WDR70: variants seen among roughly 807,000 people sequenced by gnomAD.
WDR70 encodes WD repeat domain 70.
WDR70 carries 53 observed loss-of-function variants against 88.6 expected under a neutral mutation model. The ratio of observed to expected loss-of-function variants is 0.60; its 90% CI spans 0.48 to 0.75. WDR70 has a LOEUF of 0.75. Ranked by LOEUF, WDR70 falls within the 30% of genes least tolerant of loss-of-function variation. The pLI is 0.00. For synonymous variants in WDR70, 280 were observed against 270.0 expected, an observed-to-expected ratio of 1.04 and a Z score of -0.36; for missense variants, 610 against 823.2, an observed-to-expected ratio of 0.74 and a Z score of 3.17.
intron 8 of WDR70, among the ~76,000 whole-genome samples, chr5:37,483,941 C>T (rs112794390): frequency 0.16 from 23,925 of 151,046 alleles, 1,837 homozygotes; most frequent in South Asian, 0.26. Context: ...CAGAGGCGCT[C>T]CTCACATCCC....
intron 5 of WDR70, among the ~76,000 whole-genome samples, chr5:37,404,166 C>T (rs1749283950): frequency 6.6e-6 from 1 of 152,172 alleles, no homozygotes; most frequent in African/African-American, 2.4e-5. Flanking sequence ...TTAACTCCTG[C>T]AATTTGTATT....
intron 9 of WDR70, among the ~76,000 whole-genome samples, chr5:37,560,809 A>AT (rs397885116): frequency 0.26 from 33,707 of 130,942 alleles, 5,584 homozygotes; most frequent in African/African-American, 0.46. Flanking sequence ...GCAGAAGCAG[A>AT]TTTTTTTTTT....
chr5:37,678,680 C>G (rs1746314480), intron 10 of WDR70, among the ~76,000 whole-genome samples: 1 of 152,184 alleles, frequency 6.6e-6, no homozygotes, highest in Non-Finnish European at 1.5e-5. Flanking sequence ...TCCTTCATTT[C>G]AACATTGGTG....
At chr5:37,598,609 A>G (rs1001313003) in intron 9 of WDR70, among the ~76,000 whole-genome samples, 2 of 152,238 alleles carry the variant, frequency 1.3e-5, no homozygotes, top group Non-Finnish European at 2.9e-5. Context: ...CAGTTCACCT[A>G]GAAGTACAAA....
intron 10 of WDR70, among the ~76,000 whole-genome samples, chr5:37,678,680 C>A (rs1746314480): frequency 6.6e-6 from 1 of 152,184 alleles, no homozygotes; most frequent in Non-Finnish European, 1.5e-5. Flanking sequence ...TCCTTCATTT[C>A]AACATTGGTG....
chr5:37,453,381 T>C (rs1738734284), intron 7 of WDR70, among the ~76,000 whole-genome samples: 1 of 152,230 alleles, frequency 6.6e-6, no homozygotes, highest in Non-Finnish European at 1.5e-5. Context: ...GTATCCCTTA[T>C]GGGAAACGAA....
At chr5:37,490,136 T>G (rs572059061) in intron 8 of WDR70, among the ~76,000 whole-genome samples, 2 of 152,214 alleles carry the variant, frequency 1.3e-5, no homozygotes, top group South Asian at 4.1e-4. Context: ...TGCAGGGGAA[T>G]CCATAGGCCC....
chr5:37,454,123 A>C (rs926016649), intron 7 of WDR70, among the ~76,000 whole-genome samples: 1 of 152,198 alleles, frequency 6.6e-6, no homozygotes, highest in South Asian at 2.1e-4. Flanking sequence ...ATAGAGCAGA[A>C]GACTGTTTTC....
At chr5:37,535,681 A>G (rs1220851738) in intron 9 of WDR70, among the ~76,000 whole-genome samples, 1 of 152,224 alleles carries the variant, frequency 6.6e-6, no homozygotes. Flanking sequence ...CTAGCTCATA[A>G]TAGTTAACAT....
intron 5 of WDR70, among the ~76,000 whole-genome samples, chr5:37,427,444 A>G (rs1249116561): frequency 6.6e-6 from 1 of 152,158 alleles, no homozygotes; most frequent in African/African-American, 2.4e-5. Context: ...TCTTATACAC[A>G]TGCACACATA....
At chr5:37,584,704 G>T (rs1311058856) in intron 9 of WDR70, among the ~76,000 whole-genome samples, 1 of 151,986 alleles carries the variant, frequency 6.6e-6, no homozygotes, top group Non-Finnish European at 1.5e-5. Context: ...TTAGCAGTTT[G>T]TTGAGAAACC....
chr5:37,617,337 G>A (rs1744373708), intron 10 of WDR70, among the ~76,000 whole-genome samples: 1 of 152,180 alleles, frequency 6.6e-6, no homozygotes, highest in Non-Finnish European at 1.5e-5. Context: ...AAACAAGATT[G>A]TGGTGATGGT....
At chr5:37,381,571 A>G in intron 2 of WDR70, 31 bp from the exon 3 acceptor site, 6 of 1,598,952 alleles carry the variant, frequency 3.8e-6, no homozygotes, top group Non-Finnish European at 5.1e-6. Flanking sequence ...ACTGCAAGAC[A>G]ATCACAGTCT....
In WDR70 at chr5:37,634,641, A is replaced by G. The variant is rs188480317; in HGVS notation, c.1092+29403A>G. 7.9e-5 allele frequency among the ~76,000 whole-genome samples: 12 copies of G among 152,328 alleles called. 1 individual carries two copies. Among genetic ancestry groups the G allele is most frequent in the Admixed American group, 4.6e-4 (7 of 15,302 alleles). On this transcript the variant is annotated intron_variant, in intron 10 of 17. Coordinates refer to ENST00000265107, the MANE Select transcript of WDR70 (RefSeq NM_018034.4). ...GAGATACTGAGTGAGTCCAGTCTTAAGTGAGATGATGAGAACCTCAACCAA... is the reference window on the plus strand; with the variant it reads ...GAGATACTGAGTGAGTCCAGTCTTAGGTGAGATGATGAGAACCTCAACCAA...
intron 3 of WDR70, among the ~76,000 whole-genome samples, chr5:37,386,056 G>GC (rs1338273045): frequency 6.7e-6 from 1 of 149,096 alleles, no homozygotes. Context: ...CTCATGATCC[G>GC]CCCCCCTCAG....
At position 37,741,148 on chromosome 5, in the gene WDR70, T is replaced by G. The variant is rs1234857889; in HGVS notation, c.1878-11338T>G. On this transcript the variant is annotated intron_variant, in intron 17 of 17. Transcript: ENST00000265107. ...CAGTACCCTAGGCACTGCTCTAGGTTGGAGGCTAAGGCCCTCTCCAAGGCA... is the reference window on the plus strand; with the variant it reads ...CAGTACCCTAGGCACTGCTCTAGGTGGGAGGCTAAGGCCCTCTCCAAGGCA... Among the ~76,000 whole-genome samples, 3 of 151,886 alleles carry G rather than the reference T, an allele frequency of 2.0e-5. 1 individual carries two copies. Among genetic ancestry groups the G allele is most frequent in the African/African-American group, 2.4e-5 (1 of 41,350 alleles).
At chr5:37,639,631 C>T (rs1745054824) in intron 10 of WDR70, among the ~76,000 whole-genome samples, 1 of 152,040 alleles carries the variant, frequency 6.6e-6, no homozygotes, top group Admixed American at 6.6e-5. Context: ...GTGCCAGTGT[C>T]ATCTGTTTTG....
chr5:37,746,534 A>C (rs965711849), intron 17 of WDR70, among the ~76,000 whole-genome samples: 1 of 152,190 alleles, frequency 6.6e-6, no homozygotes, highest in Middle Eastern at 3.2e-3. Context: ...AGCTAGACTA[A>C]TAAGAAGAGA....
At chr5:37,405,469 C>A (rs1360801574) in intron 5 of WDR70, among the ~76,000 whole-genome samples, 1 of 151,952 alleles carries the variant, frequency 6.6e-6, no homozygotes, top group African/African-American at 2.4e-5. Flanking sequence ...CCTGCCTCAG[C>A]CTCCCGAGTA....
Sources: allele counts gnomAD v4.1 joint callset (sites outside exome capture counted in the v4.1 genomes callset), GRCh38; gene constraint gnomAD v4.1.1; transcripts MANE v1.5; gene names NCBI Gene and HGNC (gene_info 2026-07-23, HGNC 2026-07-21).